Variants in CRPPA observed in about 807,000 individuals in gnomAD.
CRPPA encodes D-ribitol-5-phosphate cytidylyltransferase.
A neutral mutation model predicts 52.0 loss-of-function variants in CRPPA; 43 were observed. That is an observed-to-expected ratio of 0.83 (90% CI 0.65 to 1.07). CRPPA has a LOEUF of 1.07. CRPPA is among the 50% of genes least tolerant of loss of function. The pLI is 0.00. For synonymous variants in CRPPA, 250 were observed against 203.5 expected, an observed-to-expected ratio of 1.23 and a Z score of -1.94; for missense variants, 629 against 551.7, an observed-to-expected ratio of 1.14 and a Z score of -1.40.
chr7:16,397,870 T>C (rs895235174), intron 2 of CRPPA, among the ~76,000 whole-genome samples: 1 of 152,190 alleles, frequency 6.6e-6, no homozygotes, highest in Non-Finnish European at 1.5e-5. Flanking sequence ...TCAACACGTG[T>C]GTAACACGTG....
Position 16,089,315 on chromosome 7 carries a change from C to T in CRPPA, c.*2380G>A, listed in dbSNP as rs28444529. 110,868 of 316,012 alleles carry T rather than the reference C, an allele frequency of 0.35. 25,641 individuals carry two copies. The highest frequency in any genetic ancestry group is 0.5 in the South Asian group (21,475 of 43,086). 19.6% of individuals were successfully genotyped at this position (316,012 alleles called of 1,614,324 possible). On this transcript the variant is annotated 3_prime_UTR_variant, in exon 10 of 10. Coordinates refer to ENST00000407010, the MANE Select transcript of CRPPA (RefSeq NM_001101426.4). ...ACGTATATACATATATGTGTGTATG[C>T]GTACGTATATAAATATATGTGTGTA...
At chr7:16,316,149 A>C (rs1418465516) in intron 3 of CRPPA, among the ~76,000 whole-genome samples, 2 of 152,074 alleles carry the variant, frequency 1.3e-5, no homozygotes, top group East Asian at 3.9e-4. Flanking sequence ...ACAGAAGAGG[A>C]ACAAAGGGAG....
intron 3 of CRPPA, among the ~76,000 whole-genome samples, chr7:16,325,603 T>C (rs907153439): frequency 6.6e-6 from 1 of 152,146 alleles, no homozygotes; most frequent in Non-Finnish European, 1.5e-5. Context: ...CAACCATTTG[T>C]AAATGTGCCA....
At chr7:16,104,754 G>C (rs1433611018) in intron 9 of CRPPA, among the ~76,000 whole-genome samples, 1 of 152,022 alleles carries the variant, frequency 6.6e-6, no homozygotes, top group Non-Finnish European at 1.5e-5. Context: ...CAAACAATTA[G>C]CCAGGCATGG....
chr7:16,249,168 G>C (rs549881141), intron 8 of CRPPA, among the ~76,000 whole-genome samples: 59 of 152,250 alleles, frequency 3.9e-4, no homozygotes, highest in African/African-American at 1.4e-3. Flanking sequence ...TCTAGATTCT[G>C]CCTCTCTAGA....
Position 16,091,779 on chromosome 7 carries a change from C to G in CRPPA, c.1272G>C (p.Glu424Asp), listed in dbSNP as rs2064970438. Residue 424 changes from glutamate to aspartate, a missense_variant, in exon 10 of 10, where the codon GAG becomes GAC. Transcript: ENST00000407010. ...TAATGATAGCACCTTGCCTTAAACT[C>G]TCCTGTAGCTTCTGATCATCCTGAA... is the stretch of plus-strand genomic sequence containing the variant. ...SYPQDDQKLQ[E>D]SLRQGAIIIA... The G allele has an allele frequency of 6.5e-7, 1 of 1,533,268 alleles. No homozygotes were observed. 95.0% of individuals were successfully genotyped at this position (1,533,268 alleles called of 1,614,324 possible).
At chr7:16,365,970 T>C (rs749753829) in intron 3 of CRPPA, among the ~76,000 whole-genome samples, 2 of 152,204 alleles carry the variant, frequency 1.3e-5, no homozygotes, top group Non-Finnish European at 2.9e-5. Flanking sequence ...AGTGCTTTAC[T>C]CCACTTAGAC....
chr7:16,280,811 G>A (rs1562605238), intron 5 of CRPPA, among the ~76,000 whole-genome samples: 2 of 152,134 alleles, frequency 1.3e-5, no homozygotes, highest in African/African-American at 4.8e-5. Flanking sequence ...CTTGAGGTCA[G>A]GAGTTCAAGA....
intron 9 of CRPPA, among the ~76,000 whole-genome samples, chr7:16,150,222 A>G (rs901595216): frequency 2.6e-5 from 4 of 152,168 alleles, no homozygotes; most frequent in Non-Finnish European, 5.9e-5. Flanking sequence ...AGAAACTATA[A>G]CTGAATATTT....
intron 3 of CRPPA, among the ~76,000 whole-genome samples, chr7:16,324,145 G>A (rs1785324378): frequency 6.6e-6 from 1 of 152,180 alleles, no homozygotes; most frequent in Admixed American, 6.5e-5. Context: ...GCTGAAGAAT[G>A]TGTTATTGCA....
chr7:16,388,402 C>T (rs973894587), intron 2 of CRPPA, among the ~76,000 whole-genome samples: 2 of 147,464 alleles, frequency 1.4e-5, no homozygotes, highest in African/African-American at 5.3e-5. Context: ...GCTAAAGCAG[C>T]CCTTTGAGGA....
intron 2 of CRPPA, among the ~76,000 whole-genome samples, chr7:16,395,136 A>T (rs1411530792): frequency 6.6e-6 from 1 of 152,188 alleles, no homozygotes; most frequent in Non-Finnish European, 1.5e-5. Context: ...ATGTCTCCTC[A>T]AGTACCAGTA....
At chr7:16,179,008 C>T (rs17367660) in intron 9 of CRPPA, among the ~76,000 whole-genome samples, 45,361 of 151,556 alleles carry the variant, frequency 0.3, 8,128 homozygotes, top group Admixed American at 0.41. Context: ...TGGAGTGTTT[C>T]AGGCACACAC....
chr7:16,409,198 G>C lies in CRPPA; in HGVS notation c.258-2861C>G, dbSNP rs1038611855. On this transcript the variant is annotated intron_variant, in intron 1 of 9. Transcript: ENST00000407010. ...ATTATAGAAGTGAACCCCATGCATGGCCAGCCTCTAGAATTTAGAGAAAGG... is the reference window on the plus strand; with the variant it reads ...ATTATAGAAGTGAACCCCATGCATGCCCAGCCTCTAGAATTTAGAGAAAGG... 2.6e-5 allele frequency among the ~76,000 whole-genome samples: 4 copies of C among 152,212 alleles called. No individual in the cohort carries two copies. In the East Asian group the frequency reaches 5.8e-4, roughly 22 times the overall value.
chr7:16,225,662 T>C (rs575106692), intron 8 of CRPPA, among the ~76,000 whole-genome samples: 5 of 152,034 alleles, frequency 3.3e-5, no homozygotes, highest in African/African-American at 1.2e-4. Context: ...AAACTAATAC[T>C]GCTTAAGCAT....
chr7:16,258,839 A>T, intron 7 of CRPPA, 81 bp downstream of exon 7: 1 of 793,198 alleles, frequency 1.3e-6, no homozygotes. Flanking sequence ...AATATCATAT[A>T]TAAATATTTA....
rs978484798 is a variant in CRPPA at position 16,398,519 on chromosome 7, C to G, written c.534+7542G>C. Among the ~76,000 whole-genome samples, 8 of 152,140 alleles carry G rather than the reference C, an allele frequency of 5.3e-5. No individual in the cohort carries two copies. The South Asian group carries it at 1.5e-3, about 28-fold the overall frequency. ...TCATTGGCACGTGATTGGCATAGGT[C>G]CAAAATGTGACAAATGATCGACATA... On this transcript the variant is annotated intron_variant, in intron 2 of 9. Coordinates refer to ENST00000407010, the MANE Select transcript of CRPPA (RefSeq NM_001101426.4).
At chr7:16,093,842 G>A (rs980043425) in intron 9 of CRPPA, among the ~76,000 whole-genome samples, 4 of 151,870 alleles carry the variant, frequency 2.6e-5, no homozygotes, top group African/African-American at 7.3e-5. Context: ...AGTGCTGCAG[G>A]GTCTATAACA....
At chr7:16,095,296 A>G (rs1216277191) in intron 9 of CRPPA, among the ~76,000 whole-genome samples, 1 of 152,216 alleles carries the variant, frequency 6.6e-6, no homozygotes, top group African/African-American at 2.4e-5. Flanking sequence ...TTGGGAAGTC[A>G]GATTGCTGCT....
Sources: allele counts gnomAD v4.1 joint callset (sites outside exome capture counted in the v4.1 genomes callset), GRCh38; gene constraint gnomAD v4.1.1; transcripts MANE v1.5; gene names NCBI Gene and HGNC (gene_info 2026-07-23, HGNC 2026-07-21).